Variants in RORA observed in about 807,000 individuals in gnomAD.
RORA encodes the protein RAR related orphan receptor A.
In RORA, 7 loss-of-function variants were observed where a neutral mutation model predicts 69.5. That is an observed-to-expected ratio of 0.10 (90% CI 0.06 to 0.19). The LOEUF (loss-of-function observed/expected upper bound fraction) is 0.19, where lower values mean the gene tolerates loss of function less well. RORA is among the 10% of genes least tolerant of loss of function. The probability of loss-of-function intolerance (pLI) is 1.00; values close to 1 mark genes in which losing one functional copy is unlikely to be tolerated. For missense variants in RORA, 457 were observed against 663.0 expected (o/e 0.69, Z 3.41); for synonymous variants, 261 against 240.8 (o/e 1.08, Z -0.78).
intron 1 of RORA, among the ~76,000 whole-genome samples, chr15:61,199,626 A>C (rs2079876968): frequency 6.6e-6 from 1 of 152,224 alleles, no homozygotes; most frequent in Non-Finnish European, 1.5e-5. Context: ...AAGCCATTCA[A>C]AACCATCTTA....
rs1893045121 is a variant in RORA, at chr15:60,950,242, A to G, written c.167-271556T>C. Among the ~76,000 whole-genome samples the G allele has an allele frequency of 2.7e-5, 4 of 150,180 alleles. No individual in the cohort carries two copies. The Admixed American group carries it at 2.7e-4, about 10-fold the overall frequency. On this transcript the variant is annotated intron_variant, in intron 1 of 10. Transcript: ENST00000335670. ...ACTTTACAGACAAGCAAATGCTGAG[A>G]GATTTTGTCACCACCAGGCCTGCCC...
At chr15:60,788,462 G>T (rs1160656419) in intron 1 of RORA, among the ~76,000 whole-genome samples, 1 of 152,214 alleles carries the variant, frequency 6.6e-6, no homozygotes, top group Non-Finnish European at 1.5e-5. Flanking sequence ...TCGATTGACT[G>T]CTATGTGACG....
intron 1 of RORA, among the ~76,000 whole-genome samples, chr15:61,078,189 C>T (rs1380077747): frequency 1.3e-5 from 2 of 152,132 alleles, no homozygotes; most frequent in African/African-American, 2.4e-5. Flanking sequence ...TATTTTAAGA[C>T]GGAGTCTCGC....
chr15:61,206,596 G>T (rs1358920833), intron 1 of RORA, among the ~76,000 whole-genome samples: 2 of 152,030 alleles, frequency 1.3e-5, no homozygotes, highest in South Asian at 4.1e-4. Context: ...CCTTCACCCC[G>T]ACCACCAAAC....
chr15:60,803,769 C>A (rs2072620225), intron 1 of RORA, among the ~76,000 whole-genome samples: 1 of 152,176 alleles, frequency 6.6e-6, no homozygotes, highest in South Asian at 2.1e-4. Context: ...TACCTACAAC[C>A]CCCATGATAT....
rs1420930705 is a variant in RORA at position 60,537,532 on chromosome 15, G to C, written c.197-5681C>G. Among the ~76,000 whole-genome samples, 1 of 152,162 alleles carries C rather than the reference G, an allele frequency of 6.6e-6. No individual in the cohort carries two copies. The highest frequency in any genetic ancestry group is 1.5e-5 in the Non-Finnish European group (1 of 68,038). On this transcript the variant is annotated intron_variant, in intron 2 of 10. Coordinates refer to ENST00000335670, the MANE Select transcript of RORA (RefSeq NM_134261.3). The surrounding 1 kb of genome is among the most constrained non-coding windows in gnomAD (Gnocchi z 4.9). ...ATGGGAGGCCCCAGGACACCATAAG[G>C]GTTTGCAGAGAGCTCTCATTACATC...
chr15:60,510,885 G>A (rs1218875043), intron 5 of RORA, among the ~76,000 whole-genome samples: 2 of 142,954 alleles, frequency 1.4e-5, no homozygotes, highest in African/African-American at 2.9e-5. Flanking sequence ...TTTTTTTTTT[G>A]TCACCTTAGG....
chr15:60,913,922 A>C lies in RORA; in HGVS notation c.167-235236T>G, dbSNP rs991215440. 1.7e-4 allele frequency among the ~76,000 whole-genome samples: 26 copies of C among 152,146 alleles called. 1 individual carries two copies. The highest frequency in any genetic ancestry group is 6.3e-4 in the African/African-American group (26 of 41,438). ...AATTGACCACTCCTTTTGCCATGTC[A>C]CTGCTTCCTATGGAACTCAGTCCGG... On this transcript the variant is annotated intron_variant, in intron 1 of 10. Coordinates refer to ENST00000335670, the MANE Select transcript of RORA (RefSeq NM_134261.3).
At chr15:60,592,382 C>G (rs2140524930) in intron 2 of RORA, 2 of 1,428,108 alleles carry the variant, frequency 1.4e-6, no homozygotes, top group Non-Finnish European at 9.2e-7. Context: ...GGCGCCCGGG[C>G]TCACCTTTCA....
chr15:60,995,010 A>G (rs1310008673), intron 1 of RORA, among the ~76,000 whole-genome samples: 1 of 152,178 alleles, frequency 6.6e-6, no homozygotes, highest in African/African-American at 2.4e-5. Context: ...CTCTCTACAG[A>G]CAGGTCACTG....
intron 1 of RORA, among the ~76,000 whole-genome samples, chr15:60,973,096 C>T (rs1034145496): frequency 9.2e-5 from 14 of 151,966 alleles, no homozygotes; most frequent in Admixed American, 8.5e-4. Flanking sequence ...GTTTGGTCAG[C>T]AGGGCATGGG....
At chr15:60,833,957 A>T (rs1019518646) in intron 1 of RORA, among the ~76,000 whole-genome samples, 17 of 152,222 alleles carry the variant, frequency 1.1e-4, no homozygotes, top group African/African-American at 4.1e-4. Flanking sequence ...ATAGGAATAC[A>T]TCATCAACCA....
At chr15:61,100,617 A>G (rs552364783) in intron 1 of RORA, among the ~76,000 whole-genome samples, 7 of 152,272 alleles carry the variant, frequency 4.6e-5, no homozygotes, top group African/African-American at 1.7e-4. Context: ...ACCTGTGGCT[A>G]GAGAGCTGGG....
intron 1 of RORA, among the ~76,000 whole-genome samples, chr15:61,060,835 G>A (rs1172545365): frequency 4.0e-5 from 6 of 151,810 alleles, no homozygotes; most frequent in African/African-American, 1.5e-4. Flanking sequence ...TATAGCTGAT[G>A]AGCCAAAAAA....
intron 1 of RORA, among the ~76,000 whole-genome samples, chr15:61,020,122 T>C (rs1895455054): frequency 6.6e-6 from 1 of 152,216 alleles, no homozygotes; most frequent in Non-Finnish European, 1.5e-5. Flanking sequence ...TGCATCTTCC[T>C]TCCAAATCCT....
At chr15:60,866,769 C>A (rs2073492244) in intron 1 of RORA, among the ~76,000 whole-genome samples, 1 of 152,112 alleles carries the variant, frequency 6.6e-6, no homozygotes, top group South Asian at 2.1e-4. Flanking sequence ...TCCCCTATAT[C>A]TTGTCTTATG....
At chr15:60,811,121 C>T (rs147934187) in intron 1 of RORA, among the ~76,000 whole-genome samples, 14 of 152,298 alleles carry the variant, frequency 9.2e-5, no homozygotes, top group African/African-American at 3.4e-4. Context: ...TGCACACTGT[C>T]CTGAGTCCAG....
intron 2 of RORA, among the ~76,000 whole-genome samples, chr15:60,604,432 T>C (rs906315426): frequency 6.6e-6 from 1 of 152,208 alleles, no homozygotes; most frequent in African/African-American, 2.4e-5. Context: ...TTTTTGCCAT[T>C]CTATGGTCTA....
intron 2 of RORA, among the ~76,000 whole-genome samples, chr15:60,611,669 G>C (rs987378273): frequency 6.8e-6 from 1 of 147,110 alleles, no homozygotes; most frequent in African/African-American, 2.5e-5. Flanking sequence ...CCAATAGGCA[G>C]GGCTCCTTTC....
Sources: gnomAD v4.1 joint callset for allele counts (sites outside exome capture counted in the v4.1 genomes callset) on GRCh38, gnomAD v4.1.1 for gene constraint, Gnocchi (gnomAD v3.1) non-coding constraint, MANE v1.5 for transcripts, NCBI Gene and HGNC (gene_info 2026-07-23, HGNC 2026-07-21) for gene names.